The following ZMYM4 variants were observed in gnomAD, a reference collection of about 807,000 sequenced individuals.
The protein encoded by ZMYM4 is zinc finger MYM-type protein 4.
In ZMYM4, 31 loss-of-function variants were observed where a neutral mutation model predicts 183.2. The ratio of observed to expected loss-of-function variants is 0.17; its 90% CI spans 0.13 to 0.23. The LOEUF (loss-of-function observed/expected upper bound fraction) is 0.23, where lower values mean the gene tolerates loss of function less well. ZMYM4 is among the 10% of genes least tolerant of loss of function. The pLI is 1.00. For missense variants in ZMYM4, 1,273 were observed against 1,840.3 expected, an observed-to-expected ratio of 0.69 and a Z score of 5.64; for synonymous variants, 592 against 631.2, an observed-to-expected ratio of 0.94 and a Z score of 0.93.
chr1:35,283,908 C>T (rs1640329812), intron 1 of ZMYM4, among the ~76,000 whole-genome samples: 1 of 151,602 alleles, frequency 6.6e-6, no homozygotes, highest in Admixed American at 6.6e-5. Context: ...ATTTTTTTCC[C>T]ATTCTGTAGA....
chr1:35,367,184 A>G (rs1353799872), intron 5 of ZMYM4, among the ~76,000 whole-genome samples: 1 of 152,170 alleles, frequency 6.6e-6, no homozygotes, highest in Non-Finnish European at 1.5e-5. Context: ...AATGTGGCAA[A>G]TGCTGTTAAA....
intron 5 of ZMYM4, among the ~76,000 whole-genome samples, chr1:35,367,399 C>G (rs1245535907): frequency 6.6e-6 from 1 of 151,634 alleles, no homozygotes; most frequent in Non-Finnish European, 1.5e-5. Flanking sequence ...CCGCTGATTT[C>G]TGTAATTTTA....
chr1:35,269,019 GCCGCAGCGGTTCCGAGCGGGGCC>G lies in ZMYM4; in HGVS notation c.-26_-4del. ...AGGTACCGCCGCCACCGCGCGGGGA[GCCGCAGCGGTTCCGAGCGGGGCC>G]CAACATGGCGGAGAGAGAGGTGGAG... is the stretch of plus-strand genomic sequence containing the variant. On this transcript the variant is annotated 5_prime_UTR_variant, in exon 1 of 30. Transcript: ENST00000314607. 6.5e-7 allele frequency: 1 copy of G among 1,527,934 alleles called. No individual in the cohort carries two copies. The highest frequency in any genetic ancestry group is 1.4e-5 in the African/African-American group (1 of 70,668). The allele number at this position is 1,527,934 out of a possible 1,614,324, so 94.6% of individuals were successfully genotyped here. A position where few individuals can be genotyped will look rare whatever the true frequency, so the allele number is the denominator to read the frequency against.
chr1:35,413,846 G>A (rs1640008007), intron 26 of ZMYM4, 126 bp from the exon 27 acceptor site: 6 of 574,216 alleles, frequency 1.0e-5, no homozygotes, highest in Admixed American at 3.7e-5. Flanking sequence ...GTACTGAGAG[G>A]TTAAACATGG....
intron 19 of ZMYM4, 26 bp downstream of exon 19, chr1:35,396,696 C>T (rs1644814587): frequency 6.2e-7 from 1 of 1,606,822 alleles, no homozygotes; most frequent in Non-Finnish European, 8.5e-7. Flanking sequence ...GAGATTAAAG[C>T]TAATATAGCA....
intron 2 of ZMYM4, among the ~76,000 whole-genome samples, chr1:35,354,381 C>G (rs1349874764): frequency 2.0e-5 from 3 of 152,086 alleles, no homozygotes; most frequent in Non-Finnish European, 4.4e-5. Flanking sequence ...TATAAATATT[C>G]TTTTTCATCA....
In ZMYM4 at chr1:35,419,935, A is replaced by T; in HGVS notation, c.*258A>T. 1 of 444,200 alleles carries T rather than the reference A, an allele frequency of 2.3e-6. No individual in the cohort carries two copies. Among genetic ancestry groups the T allele is most frequent in the Non-Finnish European group, 4.1e-6 (1 of 242,234 alleles). The allele number at this position is 444,200 out of a possible 1,614,324, so 27.5% of individuals were successfully genotyped here. A position where few individuals can be genotyped will look rare whatever the true frequency, so the allele number is the denominator to read the frequency against. On this transcript the variant is annotated 3_prime_UTR_variant, in exon 30 of 30. Transcript: ENST00000314607. ...TGACTAATTTCTCCGAGTGGTGCAT[A>T]ATCTTATTTTGTTTGGGAGTAACAA...
chr1:35,315,886 A>C (rs1181613336), intron 1 of ZMYM4, among the ~76,000 whole-genome samples: 1 of 152,138 alleles, frequency 6.6e-6, no homozygotes, highest in Non-Finnish European at 1.5e-5. Flanking sequence ...AGATCATGAC[A>C]CTGCACCCTG....
rs529462393 is a variant in ZMYM4 at position 35,268,866 on chromosome 1, C to T, written c.-181C>T. The T allele has an allele frequency of 4.2e-5, 24 of 574,612 alleles. No homozygotes were observed. The South Asian group carries it at 1.7e-3, about 41-fold the overall frequency. 35.6% of individuals were successfully genotyped at this position (574,612 alleles called of 1,614,324 possible). On this transcript the variant is annotated 5_prime_UTR_variant, in exon 1 of 30. Transcript: ENST00000314607. ...CCGCCCACGCGCGGACCCGTGGGAT[C>T]TCAGAAGCTGCGGCCCGGCGCGCGG... is the stretch of plus-strand genomic sequence containing the variant.
At chr1:35,364,840 C>A (rs1478418437) in intron 5 of ZMYM4, among the ~76,000 whole-genome samples, 3 of 152,100 alleles carry the variant, frequency 2.0e-5, no homozygotes, top group Non-Finnish European at 4.4e-5. Flanking sequence ...GTCCTAATTT[C>A]TTTACTTTAC....
chr1:35,418,351 T>A lies in ZMYM4; in HGVS notation c.4310-92T>A, dbSNP rs918486870. The A allele has an allele frequency of 1.5e-5, 21 of 1,401,094 alleles. No homozygotes were observed. The African/African-American group carries it at 2.9e-4, about 19-fold the overall frequency. 86.8% of individuals were successfully genotyped at this position (1,401,094 alleles called of 1,614,324 possible). A position where few individuals can be genotyped will look rare whatever the true frequency, so the allele number is the denominator to read the frequency against. ...GAGTGAAAGGGAGGAAATGACAAAG[T>A]TCTGGCTGCGAAGCAAAGCTCATTG... On this transcript the variant is annotated intron_variant, in intron 28 of 29. Transcript: ENST00000314607.
intron 2 of ZMYM4, among the ~76,000 whole-genome samples, chr1:35,342,683 G>A (rs181734418): frequency 6.6e-6 from 1 of 151,752 alleles, no homozygotes; most frequent in Non-Finnish European, 1.5e-5. Context: ...TGTTGTTGTT[G>A]TTGTTGAGAC....
chr1:35,415,403 A>C, intron 27 of ZMYM4, 63 bp from the exon 28 acceptor site: 2 of 1,587,408 alleles, frequency 1.3e-6, no homozygotes, highest in Non-Finnish European at 1.7e-6. Flanking sequence ...AGAATTTGAG[A>C]GATTACTTAG....
intron 1 of ZMYM4, among the ~76,000 whole-genome samples, chr1:35,286,703 A>G (rs1485502967): frequency 2.7e-5 from 4 of 147,952 alleles, no homozygotes; most frequent in South Asian, 4.3e-4. Context: ...GGCTCAAGCA[A>G]TCCTCCCACC....
intron 1 of ZMYM4, among the ~76,000 whole-genome samples, chr1:35,275,211 TA>T: frequency 6.6e-6 from 1 of 152,190 alleles, no homozygotes; most frequent in East Asian, 1.9e-4. Flanking sequence ...ATTATGTTTG[TA>T]CTTTTTTTGA....
In ZMYM4 at chr1:35,389,754, C is replaced by CAA. The variant is rs1173420649; in HGVS notation, c.2437-180_2437-179dup. Among the ~76,000 whole-genome samples the CAA allele has an allele frequency of 0.019, 1,718 of 91,486 alleles. 47 individuals carry two copies. The highest frequency in any genetic ancestry group is 0.059 in the African/African-American group (1,598 of 26,998). 60.0% of individuals were successfully genotyped at this position (91,486 alleles called of 152,430 possible). A position where few individuals can be genotyped will look rare whatever the true frequency, so the allele number is the denominator to read the frequency against. On this transcript the variant is annotated intron_variant, in intron 14 of 29. Coordinates refer to ENST00000314607, the MANE Select transcript of ZMYM4 (RefSeq NM_005095.3). The surrounding 1 kb of genome is among the most constrained non-coding windows in gnomAD (Gnocchi z 4.0). ...TGGGCGATAGAGCAAGGCTCTGTCT[C>CAA]AAAAAAAAAAAAAAATATATATATA...
At chr1:35,386,235 A>C (rs1238766085) in intron 11 of ZMYM4, 46 bp downstream of exon 11, 1 of 1,375,386 alleles carries the variant, frequency 7.3e-7, no homozygotes, top group East Asian at 2.3e-5. Context: ...TGAGTCACCT[A>C]CTGTATGAGT....
chr1:35,327,408 A>G (rs1642551755), intron 2 of ZMYM4, among the ~76,000 whole-genome samples: 1 of 152,354 alleles, frequency 6.6e-6, no homozygotes, highest in African/African-American at 2.4e-5. Flanking sequence ...CTTTTTTATG[A>G]AAGACAAATT....
rs1054288205 is a variant in ZMYM4, at chr1:35,303,194, T to C, written c.40-22166T>C. Reference sequence around the variant, plus strand: ...GTGCCAGCTACTCTGGAGGCTGAGGTGGGAGGATCAGTTGAACTTGGGAGG... The same window carrying C: ...GTGCCAGCTACTCTGGAGGCTGAGGCGGGAGGATCAGTTGAACTTGGGAGG... On this transcript the variant is annotated intron_variant, in intron 1 of 29. Transcript: ENST00000314607. Among the ~76,000 whole-genome samples the C allele has an allele frequency of 3.7e-4, 55 of 147,276 alleles. 1 individual carries two copies. Among genetic ancestry groups the C allele is most frequent in the Admixed American group, 3.0e-3 (43 of 14,440 alleles).
Sources: gnomAD v4.1 joint callset for allele counts (sites outside exome capture counted in the v4.1 genomes callset) on GRCh38, gnomAD v4.1.1 for gene constraint, Gnocchi (gnomAD v3.1) non-coding constraint, MANE v1.5 for transcripts, NCBI Gene and HGNC (gene_info 2026-07-23, HGNC 2026-07-21) for gene names.